Variants in MDGA2 observed in about 807,000 individuals in gnomAD.
MDGA2 encodes the protein MAM domain-containing glycosylphosphatidylinositol anchor protein 2.
MDGA2 carries 40 observed loss-of-function variants against 117.8 expected under a neutral mutation model. That is an observed-to-expected ratio of 0.34 (90% confidence interval 0.26 to 0.44). The LOEUF is 0.44. Ranked by LOEUF, MDGA2 falls within the 20% of genes least tolerant of loss-of-function variation. The probability of loss-of-function intolerance (pLI) is 1.00; values close to 1 mark genes in which losing one functional copy is unlikely to be tolerated. For synonymous variants in MDGA2, 452 were observed against 439.0 expected, an observed-to-expected ratio of 1.03 and a Z score of -0.37; for missense variants, 1,123 against 1,250.6, an observed-to-expected ratio of 0.90 and a Z score of 1.54.
At chr14:46,916,172 G>C (rs1297829513) in intron 10 of MDGA2, among the ~76,000 whole-genome samples, 7 of 152,024 alleles carry the variant, frequency 4.6e-5, no homozygotes, top group African/African-American at 1.4e-4. Context: ...GGTAACATCC[G>C]CCACATAGAT....
At chr14:47,500,838 C>T (rs1894384447) in intron 1 of MDGA2, among the ~76,000 whole-genome samples, 1 of 152,000 alleles carries the variant, frequency 6.6e-6, no homozygotes, top group Non-Finnish European at 1.5e-5. Flanking sequence ...CAAACATTCA[C>T]CCTGCTTTTT....
intron 1 of MDGA2, among the ~76,000 whole-genome samples, chr14:47,406,027 G>T (rs898268006): frequency 3.3e-5 from 5 of 152,028 alleles, no homozygotes; most frequent in Non-Finnish European, 5.9e-5. Flanking sequence ...CCTAGGTAAT[G>T]GTCCAGAGAA....
At chr14:47,596,932 A>G (rs1896553935) in intron 1 of MDGA2, among the ~76,000 whole-genome samples, 1 of 152,156 alleles carries the variant, frequency 6.6e-6, no homozygotes, top group Admixed American at 6.6e-5. Context: ...ATATCCTGGT[A>G]GATAAGCCCA....
chr14:47,403,717 G>A (rs1038720196), intron 1 of MDGA2, among the ~76,000 whole-genome samples: 2 of 152,018 alleles, frequency 1.3e-5, no homozygotes, highest in Non-Finnish European at 1.5e-5. Flanking sequence ...CATAATGATG[G>A]TGTTCAGGAC....
intron 1 of MDGA2, among the ~76,000 whole-genome samples, chr14:47,540,004 T>G (rs1447640217): frequency 3.3e-5 from 5 of 152,116 alleles, no homozygotes; most frequent in Admixed American, 3.3e-4. Flanking sequence ...ACAGGGATCA[T>G]CCACTCATTT....
At chr14:47,409,329 G>A (rs944925290) in intron 1 of MDGA2, among the ~76,000 whole-genome samples, 7 of 152,296 alleles carry the variant, frequency 4.6e-5, no homozygotes, top group Admixed American at 2.6e-4. Context: ...AAGGGACTCT[G>A]CTCTCTAAAT....
intron 1 of MDGA2, among the ~76,000 whole-genome samples, chr14:47,501,658 G>A (rs946433040): frequency 1.3e-5 from 2 of 152,126 alleles, no homozygotes; most frequent in South Asian, 4.1e-4. Flanking sequence ...CAGTATGACT[G>A]ATGTCATAAA....
chr14:47,230,494 G>C (rs1457625074), intron 2 of MDGA2, among the ~76,000 whole-genome samples: 1 of 151,938 alleles, frequency 6.6e-6, no homozygotes, highest in Non-Finnish European at 1.5e-5. Context: ...ATTATAGAGT[G>C]AAACATCTGC....
intron 1 of MDGA2, among the ~76,000 whole-genome samples, chr14:47,631,595 C>T (rs936037028): frequency 1.3e-5 from 2 of 152,158 alleles, no homozygotes; most frequent in Non-Finnish European, 2.9e-5. Flanking sequence ...TCTACCTCAA[C>T]TCTCAATATA....
chr14:47,314,784 C>A (rs1594790502), intron 1 of MDGA2, among the ~76,000 whole-genome samples: 1 of 151,854 alleles, frequency 6.6e-6, no homozygotes, highest in South Asian at 2.1e-4. Context: ...TTATAAATAT[C>A]AAGCCATAAA....
intron 1 of MDGA2, among the ~76,000 whole-genome samples, chr14:47,395,624 C>G (rs1241286764): frequency 1.3e-5 from 2 of 151,824 alleles, no homozygotes; most frequent in Admixed American, 1.3e-4. Flanking sequence ...ATAAGGCAAT[C>G]AAAAATGTAC....
At chr14:47,274,320 C>T (rs1888241318) in intron 2 of MDGA2, among the ~76,000 whole-genome samples, 1 of 152,080 alleles carries the variant, frequency 6.6e-6, no homozygotes, top group Non-Finnish European at 1.5e-5. Context: ...TCCATATAAA[C>T]AGAAGTATGC....
chr14:47,561,145 T>C (rs199592326), intron 1 of MDGA2, among the ~76,000 whole-genome samples: 1 of 88,348 alleles, frequency 1.1e-5, no homozygotes, highest in Non-Finnish European at 2.4e-5. Context: ...ATCTTTGTTT[T>C]TTTTTTTGTT....
chr14:47,614,958 T>C (rs1212227418), intron 1 of MDGA2, among the ~76,000 whole-genome samples: 1 of 152,222 alleles, frequency 6.6e-6, no homozygotes, highest in African/African-American at 2.4e-5. Context: ...TAAGTTTAAC[T>C]TTATTATTAG....
chr14:47,313,007 A>C (rs950335478), intron 1 of MDGA2, among the ~76,000 whole-genome samples: 1 of 151,296 alleles, frequency 6.6e-6, no homozygotes, highest in African/African-American at 2.4e-5. Flanking sequence ...CTAATGAAGA[A>C]ATATTAATAC....
intron 5 of MDGA2, among the ~76,000 whole-genome samples, chr14:47,108,958 A>T (rs1015059423): frequency 1.3e-5 from 2 of 152,164 alleles, no homozygotes; most frequent in South Asian, 2.1e-4. Context: ...ATGAAGAAAA[A>T]AATTAGCACT....
intron 1 of MDGA2, among the ~76,000 whole-genome samples, chr14:47,509,016 T>C (rs1894581951): frequency 6.6e-6 from 1 of 152,082 alleles, no homozygotes; most frequent in African/African-American, 2.4e-5. Flanking sequence ...TATGAGAATA[T>C]AGGCAAAGAG....
At chr14:47,046,456 GT>G (rs1889268298) in intron 7 of MDGA2, among the ~76,000 whole-genome samples, 1 of 151,690 alleles carries the variant, frequency 6.6e-6, no homozygotes, top group Admixed American at 6.6e-5. Flanking sequence ...CTGTCATGGG[GT>G]TGGGGGAGAG....
intron 1 of MDGA2, among the ~76,000 whole-genome samples, chr14:47,398,958 T>G (rs1892074685): frequency 6.6e-6 from 1 of 152,228 alleles, no homozygotes; most frequent in African/African-American, 2.4e-5. Flanking sequence ...CTGTACCCTG[T>G]GTACTCAATA....
Sources: gnomAD v4.1 joint callset for allele counts (sites outside exome capture counted in the v4.1 genomes callset) on GRCh38, gnomAD v4.1.1 for gene constraint, MANE v1.5 for transcripts, NCBI Gene and HGNC (gene_info 2026-07-23, HGNC 2026-07-21) for gene names.